Variants in ADAMTSL1 observed in about 807,000 individuals in gnomAD.
ADAMTSL1 encodes ADAMTS-like protein 1.
In ADAMTSL1, 126 loss-of-function variants were observed where a neutral mutation model predicts 201.8. That is an observed-to-expected ratio of 0.62 (90% confidence interval 0.54 to 0.72). The LOEUF (loss-of-function observed/expected upper bound fraction) is 0.72, where lower values mean the gene tolerates loss of function less well. Among genes scored for constraint, ADAMTSL1 ranks in the 30% least tolerant of loss-of-function variants. The pLI, the probability that ADAMTSL1 is intolerant of heterozygous loss-of-function variation, is 0.00. For synonymous variants in ADAMTSL1, 1,121 were observed against 903.4 expected, an observed-to-expected ratio of 1.24 and a Z score of -4.32; for missense variants, 2,679 against 2,277.8, an observed-to-expected ratio of 1.18 and a Z score of -3.59.
rs141365726 is a variant in ADAMTSL1, at chr9:18,341,906, T to C, written c.208-162923T>C. 5.3e-3 allele frequency among the ~76,000 whole-genome samples: 804 copies of C among 152,242 alleles called. 7 individuals are homozygous for C. The highest frequency in any genetic ancestry group is 0.018 in the African/African-American group (767 of 41,558). On this transcript the variant is annotated intron_variant, in intron 2 of 29. Transcript: ENST00000680146. Reference sequence around the variant, plus strand: ...TATGTTCAATGAAAAACAACATCTATAGGCTTTAAGGGTTAAGGTAAATGT... The same window carrying C: ...TATGTTCAATGAAAAACAACATCTACAGGCTTTAAGGGTTAAGGTAAATGT...
intron 3 of ADAMTSL1, among the ~76,000 whole-genome samples, chr9:18,573,744 C>CA (rs1343929488): frequency 1.3e-5 from 2 of 152,112 alleles, no homozygotes; most frequent in African/African-American, 4.8e-5. Flanking sequence ...AGACAACTTT[C>CA]AAAAAATGTA....
intron 2 of ADAMTSL1, among the ~76,000 whole-genome samples, chr9:18,200,181 C>G (rs1482199931): frequency 6.6e-6 from 1 of 151,950 alleles, no homozygotes; most frequent in Non-Finnish European, 1.5e-5. Context: ...GACCTGTAAT[C>G]CCAGCATTTC....
At chr9:18,069,948 T>C (rs182717864) in intron 1 of ADAMTSL1, among the ~76,000 whole-genome samples, 227 of 152,318 alleles carry the variant, frequency 1.5e-3, no homozygotes, top group Admixed American at 4.8e-3. Flanking sequence ...TTGGAGCCTA[T>C]AGTTGAATCT....
rs1433802722 is a variant in ADAMTSL1, at chr9:18,777,313, G to C, written c.3084G>C (p.Leu1028=). The change falls in exon 19 of 29, where the codon CTG becomes CTC. Residue 1028 remains leucine, a synonymous_variant. Transcript: ENST00000380548. The part of the protein sequence containing the change: ...GSRYDDLVSR[L]LEQGGWPGEL... ...GCTACGACGACCTCGTCTCCCGGCT[G>C]CTGGAGCAGGGCGGCTGGCCCGGAG... 1 of 1,602,960 alleles carries C rather than the reference G, an allele frequency of 6.2e-7. No homozygotes were observed. The highest frequency in any genetic ancestry group is 1.7e-5 in the Admixed American group (1 of 58,712).
chr9:18,142,365 T>G (rs1264125879), intron 1 of ADAMTSL1, among the ~76,000 whole-genome samples: 1 of 152,190 alleles, frequency 6.6e-6, no homozygotes, highest in East Asian at 1.9e-4. Flanking sequence ...AAAGAAAAAG[T>G]CAGTGGAATA....
At chr9:18,039,183 A>G (rs1821332718) in intron 1 of ADAMTSL1, among the ~76,000 whole-genome samples, 1 of 152,204 alleles carries the variant, frequency 6.6e-6, no homozygotes, top group Admixed American at 6.5e-5. Context: ...TTGCAATAGA[A>G]TGATTATCTT....
At chr9:18,059,314 C>G (rs1209231833) in intron 1 of ADAMTSL1, among the ~76,000 whole-genome samples, 1 of 152,080 alleles carries the variant, frequency 6.6e-6, no homozygotes, top group Non-Finnish European at 1.5e-5. Context: ...CTTGATAGTG[C>G]TTGGTGTTTG....
intron 13 of ADAMTSL1, among the ~76,000 whole-genome samples, chr9:18,702,158 G>T (rs112400941): frequency 6.6e-6 from 1 of 152,034 alleles, no homozygotes; most frequent in African/African-American, 2.4e-5. Context: ...GGAAAGACCC[G>T]CCCCCATGAT....
rs150938192 is a variant in ADAMTSL1, at chr9:18,050,643, CTATT to C, written c.88-113216_88-113213del. 4.0e-3 allele frequency among the ~76,000 whole-genome samples: 615 copies of C among 152,124 alleles called. 7 individuals are homozygous for C. The highest frequency in any genetic ancestry group is 0.014 in the African/African-American group (578 of 41,484). On this transcript the variant is annotated intron_variant, in intron 1 of 29. Transcript: ENST00000680146. Reference sequence around the variant, plus strand: ...TTAAGAATTCTAGTCTTTTGTAAATCTATTTAAGTGTTGATTTTCAGACTTATTT... The same window carrying C: ...TTAAGAATTCTAGTCTTTTGTAAATCTAAGTGTTGATTTTCAGACTTATTT...
chr9:17,938,640 G>T (rs1240124398), intron 1 of ADAMTSL1, among the ~76,000 whole-genome samples: 3 of 152,102 alleles, frequency 2.0e-5, no homozygotes, highest in Admixed American at 2.0e-4. Context: ...TGGATATCAG[G>T]AAAGCCCCCG....
intron 14 of ADAMTSL1, among the ~76,000 whole-genome samples, chr9:18,720,549 C>G (rs192723479): frequency 1.3e-5 from 2 of 152,046 alleles, no homozygotes; most frequent in Admixed American, 1.3e-4. Context: ...TTTTAGAAGC[C>G]GAGGTGGGCA....
At chr9:18,704,847 AT>A (rs1832138067) in intron 13 of ADAMTSL1, among the ~76,000 whole-genome samples, 1 of 151,988 alleles carries the variant, frequency 6.6e-6, no homozygotes, top group African/African-American at 2.4e-5. Context: ...TTGTGATGAG[AT>A]TTTCTTGGGA....
At chr9:18,740,631 C>A (rs1818776537) in intron 15 of ADAMTSL1, among the ~76,000 whole-genome samples, 2 of 152,012 alleles carry the variant, frequency 1.3e-5, no homozygotes, top group African/African-American at 4.8e-5. Context: ...CACACAACAC[C>A]AAGCCCAGAT....
intron 8 of ADAMTSL1, among the ~76,000 whole-genome samples, chr9:18,661,430 T>C (rs1829086103): frequency 1.3e-5 from 2 of 152,158 alleles, no homozygotes; most frequent in South Asian, 4.1e-4. Context: ...AAAATAATGT[T>C]CCCAGGCATC....
chr9:18,809,950 G>T (rs1823400118), intron 20 of ADAMTSL1, among the ~76,000 whole-genome samples: 1 of 152,232 alleles, frequency 6.6e-6, no homozygotes, highest in Non-Finnish European at 1.5e-5. Flanking sequence ...GTGAAAGTCA[G>T]AAGACCAGTT....
chr9:18,178,442 G>C (rs1462279139), intron 2 of ADAMTSL1, among the ~76,000 whole-genome samples: 6 of 152,160 alleles, frequency 3.9e-5, no homozygotes, highest in Non-Finnish European at 1.5e-5. Flanking sequence ...CAGCAGCGAG[G>C]CTGGGGGAGG....
chr9:18,532,322 G>T (rs992946362), intron 2 of ADAMTSL1, among the ~76,000 whole-genome samples: 6 of 152,054 alleles, frequency 3.9e-5, no homozygotes, highest in Admixed American at 1.3e-4. Flanking sequence ...CCTTACAAAA[G>T]TTCATTCCCT....
At chr9:18,517,376 T>G (rs1818417903) in intron 2 of ADAMTSL1, among the ~76,000 whole-genome samples, 1 of 152,186 alleles carries the variant, frequency 6.6e-6, no homozygotes, top group Admixed American at 6.5e-5. Flanking sequence ...TGGTAGCTAT[T>G]TAATTTCATT....
chr9:18,176,741 A>G (rs201985012), intron 2 of ADAMTSL1, among the ~76,000 whole-genome samples: 3 of 152,324 alleles, frequency 2.0e-5, no homozygotes, highest in East Asian at 1.9e-4. Context: ...TAAGTAGTCT[A>G]TACTTTCTAG....
Sources: gnomAD v4.1 joint callset for allele counts (sites outside exome capture counted in the v4.1 genomes callset) on GRCh38, gnomAD v4.1.1 for gene constraint, MANE v1.5 for transcripts, NCBI Gene and HGNC (gene_info 2026-07-23, HGNC 2026-07-21) for gene names.